The following GMEB2 variants were observed in gnomAD, a reference collection of about 807,000 sequenced individuals.
GMEB2 encodes the protein glucocorticoid modulatory element binding protein 2, also known as glucocorticoid modulatory element-binding protein 2.
A neutral mutation model predicts 45.7 loss-of-function variants in GMEB2; 7 were observed. The observed-to-expected ratio is 0.15, with a 90% confidence interval of 0.09 to 0.29. The LOEUF (loss-of-function observed/expected upper bound fraction) is 0.29. Among genes scored for constraint, GMEB2 ranks in the 10% least tolerant of loss-of-function variants. GMEB2 has a pLI of 1.00. For missense variants in GMEB2, 582 were observed against 739.2 expected (o/e 0.79, Z 2.47); for synonymous variants, 322 against 323.6 (o/e 1.00, Z 0.05).
chr20:63,603,239 G>A (rs1601016827), intron 3 of GMEB2, 147 bp from the exon 4 acceptor site: 2 of 769,992 alleles, frequency 2.6e-6, no homozygotes, highest in Non-Finnish European at 4.3e-6. Flanking sequence ...AGCCAAGGTG[G>A]GCAGGGCATG....
chr20:63,625,174 A>C (rs929847215), intron 1 of GMEB2, among the ~76,000 whole-genome samples: 1 of 151,504 alleles, frequency 6.6e-6, no homozygotes, highest in Admixed American at 6.6e-5. Context: ...CTCTCTCCAC[A>C]GCTCCTTCTT....
intron 4 of GMEB2, among the ~76,000 whole-genome samples, chr20:63,598,594 G>C (rs2083217612): frequency 6.6e-6 from 1 of 152,140 alleles, no homozygotes; most frequent in Non-Finnish European, 1.5e-5. Context: ...CCGAGTACGG[G>C]GGCCGCCTCC....
Position 63,619,336 on chromosome 20 carries a change from G to A in GMEB2, c.62C>T (p.Thr21Ile), listed in dbSNP as rs1187049169. 4 of 1,613,004 alleles carry A rather than the reference G, an allele frequency of 2.5e-6. No individual in the cohort carries two copies. In the African/African-American group the frequency reaches 4.0e-5, roughly 16 times the overall value. ...CTCCACACCACTGCCGTCCACTGCA[G>A]TGTCCGGAGTTGTCACAACCACCAC... Reference protein sequence around the residue: ...EEVVVVTTPDTAVDGSGVEGV... With the variant: ...EEVVVVTTPDIAVDGSGVEGV... The change falls in exon 2 of 10, where the codon ACT (threonine) becomes ATT (isoleucine). Residue 21 changes from threonine (T) to isoleucine (I), a missense_variant. Thr to Ile is a moderately conservative substitution (Grantham distance 89). Coordinates refer to ENST00000370077, the MANE Select transcript of GMEB2 (RefSeq NM_012384.5). This position sits in a 1 kb window ranked among gnomAD's most constrained non-coding sequence, Gnocchi z 4.6.
At chr20:63,625,434 T>C (rs927855530) in intron 1 of GMEB2, among the ~76,000 whole-genome samples, 2 of 151,670 alleles carry the variant, frequency 1.3e-5, no homozygotes, top group African/African-American at 2.4e-5. Flanking sequence ...TGACCTCCCA[T>C]AGTGCTGGGA....
chr20:63,624,299 G>C (rs1277811573), intron 1 of GMEB2, among the ~76,000 whole-genome samples: 1 of 151,294 alleles, frequency 6.6e-6, no homozygotes, highest in Non-Finnish European at 1.5e-5. Flanking sequence ...CATGGTGGCG[G>C]GTGCCTGTAA....
rs182540492 is a variant in GMEB2, at chr20:63,593,401, G to A, written c.620-319C>T. 2.9e-4 allele frequency among the ~76,000 whole-genome samples: 44 copies of A among 151,740 alleles called. No individual in the cohort carries two copies. The highest frequency in any genetic ancestry group is 6.8e-3 in the Middle Eastern group (2 of 292). On this transcript the variant is annotated intron_variant, in intron 6 of 9. Transcript: ENST00000370077. The surrounding 1 kb of genome is among the most constrained non-coding windows in gnomAD (Gnocchi z 4.7). ...ACGATTGTACTCAACAAGCACTTTCGACTGGACCGTCAGGAGCGAGACAAG... is the reference window on the plus strand; with the variant it reads ...ACGATTGTACTCAACAAGCACTTTCAACTGGACCGTCAGGAGCGAGACAAG...
chr20:63,591,475 G>GTT (rs3838005), intron 9 of GMEB2, among the ~76,000 whole-genome samples: 6 of 151,158 alleles, frequency 4.0e-5, no homozygotes, highest in Admixed American at 6.6e-5. Flanking sequence ...CTCTGTCATT[G>GTT]TTTTTTTTTG....
intron 2 of GMEB2, among the ~76,000 whole-genome samples, chr20:63,607,016 A>G (rs2089524906): frequency 6.6e-6 from 1 of 152,176 alleles, no homozygotes; most frequent in Non-Finnish European, 1.5e-5. Context: ...CCTGCAGCCT[A>G]GAAACATGCC....
intron 2 of GMEB2, among the ~76,000 whole-genome samples, chr20:63,613,695 A>G (rs2089587134): frequency 6.6e-6 from 1 of 151,966 alleles, no homozygotes; most frequent in Non-Finnish European, 1.5e-5. Flanking sequence ...TTGTACTTTT[A>G]GTAGAGACGG....
chr20:63,590,040 TGAGA>T lies in GMEB2; in HGVS notation c.*45_*48del, dbSNP rs1370855850. 1 of 1,465,122 alleles carries T rather than the reference TGAGA, an allele frequency of 6.8e-7. No individual in the cohort carries two copies. The highest frequency in any genetic ancestry group is 9.0e-7 in the Non-Finnish European group (1 of 1,108,486). 90.8% of individuals were successfully genotyped at this position (1,465,122 alleles called of 1,614,324 possible). A position where few individuals can be genotyped will look rare whatever the true frequency, so the allele number is the denominator to read the frequency against. ...TCTGCCCGCTCCCTGCTGCCGCGGC[TGAGA>T]GACAGCCAGCCCTGTCCGTCCCAGG... On this transcript the variant is annotated 3_prime_UTR_variant, in exon 10 of 10. Transcript: ENST00000370077.
At chr20:63,605,526 TA>T (rs11306158) in intron 2 of GMEB2, among the ~76,000 whole-genome samples, 67,238 of 128,300 alleles carry the variant, frequency 0.52, 17,261 homozygotes, top group Middle Eastern at 0.68. Context: ...CCGTCAAAAT[TA>T]AAAAAAAAAA....
At chr20:63,616,907 G>A (rs998201080) in intron 2 of GMEB2, among the ~76,000 whole-genome samples, 27 of 151,990 alleles carry the variant, frequency 1.8e-4, no homozygotes, top group African/African-American at 6.3e-4. Flanking sequence ...TAAAGATGGG[G>A]TCTTCAGGAG....
chr20:63,600,826 C>G (rs533374455), intron 4 of GMEB2, among the ~76,000 whole-genome samples: 24 of 151,536 alleles, frequency 1.6e-4, no homozygotes, highest in Non-Finnish European at 2.5e-4. Context: ...TAGGCTGTCT[C>G]TCCATGAGTG....
At chr20:63,620,353 G>C (rs537163022) in intron 1 of GMEB2, among the ~76,000 whole-genome samples, 1 of 152,336 alleles carries the variant, frequency 6.6e-6, no homozygotes, top group South Asian at 2.1e-4. Flanking sequence ...GGTGGCCCAA[G>C]AGTGTGGGGG....
At chr20:63,599,132 C>T (rs529722262) in intron 4 of GMEB2, among the ~76,000 whole-genome samples, 2 of 152,150 alleles carry the variant, frequency 1.3e-5, no homozygotes, top group East Asian at 1.9e-4. Flanking sequence ...CTCCTGACCC[C>T]CCAGAGCTAA....
chr20:63,592,635 C>A lies in GMEB2; in HGVS notation c.727G>T (p.Ala243Ser), dbSNP rs144182072. Residue 243 changes from alanine (A) to serine (S), a missense_variant, in exon 8 of 10, where the codon GCC becomes TCC. This residue lies in a region of GMEB2 where 462 missense variants were observed against 586.7 expected (regional missense o/e 0.79). Coordinates refer to ENST00000370077, the MANE Select transcript of GMEB2 (RefSeq NM_012384.5). This position sits in a 1 kb window ranked among gnomAD's most constrained non-coding sequence, Gnocchi z 8.2. The part of the protein sequence containing the change: ...TFTFWRGLKD[A>S]GLLDEVIQEF... ...TGGATGACCTCGTCCAGCAGGCCGG[C>A]GTCCTTCAGCCCCCGCCAGAAGGTA... 3.1e-6 allele frequency: 5 copies of A among 1,612,498 alleles called. No individual in the cohort carries two copies. The highest frequency in any genetic ancestry group is 2.2e-5 in the South Asian group (2 of 91,062).
intron 2 of GMEB2, among the ~76,000 whole-genome samples, chr20:63,614,374 T>A (rs953721354): frequency 3.9e-5 from 6 of 152,220 alleles, no homozygotes; most frequent in African/African-American, 1.4e-4. Context: ...AGCCTTCTGT[T>A]ATGCCTGGAC....
At chr20:63,591,934 G>T (rs908996008) in intron 9 of GMEB2, 88 bp downstream of exon 9, 1 of 1,167,452 alleles carries the variant, frequency 8.6e-7, no homozygotes, top group Admixed American at 2.3e-5. Flanking sequence ...AGGAAGTGCA[G>T]GTGGATGCAC....
In GMEB2 at chr20:63,592,582, G is replaced by A. The variant is rs778012093; in HGVS notation, c.780C>T (p.Thr260=). ...GGACCCGCTGCTGCAGGCCTCTCAT[G>A]GTCTCCACCAGCTCCTGGTGGAACT... ...IQEFHQELVE[T]MRGLQQRVQD... Residue 260 remains threonine (T), a synonymous_variant, in exon 8 of 10, where the codon ACC becomes ACT. Transcript: ENST00000370077. The surrounding 1 kb of genome is among the most constrained non-coding windows in gnomAD (Gnocchi z 8.2). 1.2e-6 allele frequency: 2 copies of A among 1,612,376 alleles called. No homozygotes were observed. The highest frequency in any genetic ancestry group is 8.5e-7 in the Non-Finnish European group (1 of 1,178,592).
Sources: allele counts gnomAD v4.1 joint callset (sites outside exome capture counted in the v4.1 genomes callset), GRCh38; gene constraint gnomAD v4.1.1; regional missense constraint gnomAD v4.1.1; non-coding constraint Gnocchi (gnomAD v3.1); transcripts MANE v1.5; gene names NCBI Gene and HGNC (gene_info 2026-07-23, HGNC 2026-07-21).